The following RNF135 variants were observed in gnomAD, a reference collection of about 807,000 sequenced individuals.
RNF135 encodes the protein E3 ubiquitin-protein ligase RNF135.
RNF135 carries 46 observed loss-of-function variants against 41.9 expected under a neutral mutation model. That is an observed-to-expected ratio of 1.10 (90% CI 0.87 to 1.40). The LOEUF (loss-of-function observed/expected upper bound fraction) is 1.40. RNF135 is among the 40% of genes most tolerant of loss of function. The pLI, the probability that RNF135 is intolerant of heterozygous loss-of-function variation, is 0.00. For missense variants in RNF135, 539 were observed against 549.8 expected (o/e 0.98, Z 0.20); for synonymous variants, 238 against 223.8 (o/e 1.06, Z -0.57).
intron 3 of RNF135, 121 bp from the exon 4 acceptor site, chr17:30,997,121 C>T: frequency 1.3e-6 from 1 of 776,896 alleles, no homozygotes; most frequent in Non-Finnish European, 2.2e-6. Flanking sequence ...AGTCCTGACA[C>T]TGAAAAATGT....
intron 3 of RNF135, among the ~76,000 whole-genome samples, chr17:30,988,416 A>ATGT (rs1907745570): frequency 1.2e-5 from 1 of 81,874 alleles, no homozygotes; most frequent in African/African-American, 5.1e-5. Context: ...GCCACTTTTA[A>ATGT]TTTTTTTTTT....
chr17:30,977,769 A>G (rs992513953), intron 1 of RNF135, among the ~76,000 whole-genome samples: 2 of 151,976 alleles, frequency 1.3e-5, no homozygotes, highest in Non-Finnish European at 2.9e-5. Flanking sequence ...GGGTTTCACC[A>G]TGTTGGCCAG....
intron 1 of RNF135, 82 bp from the exon 2 acceptor site, chr17:30,984,535 G>A: frequency 7.0e-7 from 1 of 1,429,112 alleles, no homozygotes; most frequent in Non-Finnish European, 9.9e-7. Flanking sequence ...CATTACCACA[G>A]TATTTATGAT....
the RNF135 span, among the ~76,000 whole-genome samples, chr17:30,963,972 G>C: frequency 6.6e-6 from 1 of 152,160 alleles, no homozygotes; most frequent in Non-Finnish European, 1.5e-5. Context: ...TTTTTAAGCA[G>C]TGTTTTGGCT....
upstream of RNF135, among the ~76,000 whole-genome samples, chr17:30,966,695 C>T (rs1259118602): frequency 1.3e-5 from 2 of 148,854 alleles, no homozygotes; most frequent in East Asian, 2.0e-4. Context: ...TTAGTAGAGA[C>T]GCGGTTTCAC....
intron 3 of RNF135, among the ~76,000 whole-genome samples, chr17:30,993,551 T>C (rs1034529190): frequency 1.3e-5 from 2 of 152,136 alleles, no homozygotes; most frequent in African/African-American, 4.8e-5. Flanking sequence ...TTTAGAGACA[T>C]ATCTCATAGC....
rs1029691000 is a variant in RNF135, at chr17:30,988,068, G to A, written c.641G>A (p.Ser214Asn). 2 of 1,614,084 alleles carry A rather than the reference G, an allele frequency of 1.2e-6. No individual in the cohort carries two copies. The highest frequency in any genetic ancestry group is 2.7e-5 in the African/African-American group (2 of 75,024). ...GAAATTCAGGAAAAATTACAAGAAA[G>A]CGTCACCTGGAAAGAGGCTCCTGAA... Reference protein sequence around the residue: ...LEEIQEKLQESVTWKEAPEAQ... With the variant: ...LEEIQEKLQENVTWKEAPEAQ... The change falls in exon 3 of 5, where the codon AGC (serine) becomes AAC (asparagine). Residue 214 changes from serine to asparagine, a missense_variant. By Grantham distance (46) the Ser-to-Asn change is conservative. This residue lies in a region of RNF135 where 262 missense variants were observed against 336.9 expected (regional missense o/e 0.78). Coordinates refer to ENST00000328381, the MANE Select transcript of RNF135 (RefSeq NM_032322.4).
At chr17:30,959,018 A>G in the RNF135 span, 10 of 152,070 alleles carry the variant, frequency 6.6e-5, no homozygotes, top group African/African-American at 2.2e-4. Flanking sequence ...AGTCCTCTCT[A>G]TCTCCTCTGG....
In RNF135 at chr17:30,999,250, G is replaced by A; in HGVS notation, c.*59G>A. 1 of 1,569,584 alleles carries A rather than the reference G, an allele frequency of 6.4e-7. No individual in the cohort carries two copies. The highest frequency in any genetic ancestry group is 8.7e-7 in the Non-Finnish European group (1 of 1,150,022). On this transcript the variant is annotated 3_prime_UTR_variant, in exon 5 of 5. Transcript: ENST00000328381. Reference sequence around the variant, plus strand: ...TGGTCTCTCTCCCTGTCATCAATCAGGGTAGTAACTTGACTTAAGAATACC... The same window carrying A: ...TGGTCTCTCTCCCTGTCATCAATCAAGGTAGTAACTTGACTTAAGAATACC...
intron 3 of RNF135, among the ~76,000 whole-genome samples, chr17:30,992,193 A>G (rs1418534470): frequency 1.3e-5 from 2 of 151,976 alleles, no homozygotes; most frequent in Admixed American, 1.3e-4. Context: ...TGGCTTCCCA[A>G]TCTGCTGGGA....
intron 1 of RNF135, among the ~76,000 whole-genome samples, chr17:30,974,109 T>C (rs1256250017): frequency 7.9e-5 from 12 of 152,086 alleles, no homozygotes; most frequent in Non-Finnish European, 5.9e-5. Flanking sequence ...GAGGCTGAGG[T>C]AGGAGAAATC....
intron 4 of RNF135, chr17:30,997,643 C>G (rs1598105448): frequency 2.2e-6 from 1 of 452,548 alleles, no homozygotes; most frequent in Non-Finnish European, 4.5e-6. Context: ...AGCCAACTGC[C>G]TCTTCCTAAA....
Position 30,984,800 on chromosome 17 carries a change from A to T in RNF135, c.516+40A>T, listed in dbSNP as rs781527941. On this transcript the variant is annotated intron_variant, in intron 2 of 4. Transcript: ENST00000328381. Reference sequence around the variant, plus strand: ...GAGAGGAAAGGATGTGGAAGGGAATAGGGCTAGGGATTGCTTTCAACTGGA... The same window carrying T: ...GAGAGGAAAGGATGTGGAAGGGAATTGGGCTAGGGATTGCTTTCAACTGGA... The T allele has an allele frequency of 3.7e-6, 6 of 1,607,814 alleles. No homozygotes were observed. In the Admixed American group the frequency reaches 8.3e-5, roughly 22 times the overall value.
At chr17:30,986,458 G>A (rs552276124) in intron 2 of RNF135, among the ~76,000 whole-genome samples, 2 of 152,184 alleles carry the variant, frequency 1.3e-5, no homozygotes. Context: ...GCCTCCCAAA[G>A]TGCTGGGATT....
At chr17:30,981,297 C>A (rs964444007) in intron 1 of RNF135, among the ~76,000 whole-genome samples, 31 of 149,698 alleles carry the variant, frequency 2.1e-4, no homozygotes, top group African/African-American at 6.4e-4. Context: ...TGCAGTGAGC[C>A]GAGATGGCAG....
chr17:30,990,344 G>A lies in RNF135; in HGVS notation c.679+2238G>A, dbSNP rs999460236. The stretch of plus-strand genomic sequence containing the variant: ...TCGAGAGCAGCCTGGCCAACATGGT[G>A]AAACCCCGTCTCTACTAAAAATACA... On this transcript the variant is annotated intron_variant, in intron 3 of 4. Transcript: ENST00000328381. Among the ~76,000 whole-genome samples, 4 of 152,110 alleles carry A rather than the reference G, an allele frequency of 2.6e-5. No homozygotes were observed. In the East Asian group the frequency reaches 5.8e-4, roughly 22 times the overall value.
intron 4 of RNF135, 174 bp downstream of exon 4, chr17:30,997,505 C>G (rs1311467867): frequency 2.9e-6 from 2 of 684,186 alleles, no homozygotes; most frequent in Admixed American, 4.1e-5. Context: ...GGTTGAGACT[C>G]TAGACCCAAG....
chr17:30,984,114 A>G (rs1004123052), intron 1 of RNF135, among the ~76,000 whole-genome samples: 121 of 152,034 alleles, frequency 8.0e-4, no homozygotes, highest in African/African-American at 2.7e-3. Flanking sequence ...TTTTTACTCT[A>G]TTGTTCGTGT....
intron 1 of RNF135, among the ~76,000 whole-genome samples, chr17:30,983,315 AT>A (rs1907293331): frequency 3.5e-5 from 2 of 57,064 alleles, no homozygotes; most frequent in South Asian, 1.4e-3. Context: ...AATTACATAT[AT>A]GTACATATAT....
Sources: gnomAD v4.1 joint callset for allele counts (sites outside exome capture counted in the v4.1 genomes callset) on GRCh38, gnomAD v4.1.1 for gene constraint, gnomAD v4.1.1 regional missense constraint, MANE v1.5 for transcripts, NCBI Gene and HGNC (gene_info 2026-07-23, HGNC 2026-07-21) for gene names.